Variants in MRPL34 observed in about 807,000 individuals in gnomAD.
MRPL34 encodes large ribosomal subunit protein bL34m.
A neutral mutation model predicts 6.7 loss-of-function variants in MRPL34; 8 were observed. That is an observed-to-expected ratio of 1.20 (90% CI 0.70 to 2.16). MRPL34 has a LOEUF of 2.16. Among genes scored for constraint, MRPL34 ranks in the 30% most tolerant of loss-of-function variants. MRPL34 has a pLI of 0.00. For missense variants in MRPL34, 146 were observed against 125.5 expected, an observed-to-expected ratio of 1.16 and a Z score of -0.78; for synonymous variants, 59 against 55.1, an observed-to-expected ratio of 1.07 and a Z score of -0.31.
At chr19:17,301,264 T>A, upstream of MRPL34, 1 of 1,602,482 alleles carries the variant, frequency 6.2e-7, no homozygotes, top group Non-Finnish European at 8.5e-7. Flanking sequence ...CAGCTCCACC[T>A]CCAGGGCGGC....
At chr19:17,297,564 G>A (rs1220861609) in intron 1 of MRPL34, among the ~76,000 whole-genome samples, 2 of 152,094 alleles carry the variant, frequency 1.3e-5, no homozygotes, top group Non-Finnish European at 2.9e-5. Context: ...AAAGTTCTGG[G>A]ATTACAGGTG....
At chr19:17,298,735 CTTTTTTTTTT>C (rs34731394), upstream of MRPL34, among the ~76,000 whole-genome samples, 6 of 70,422 alleles carry the variant, frequency 8.5e-5, no homozygotes, top group African/African-American at 3.6e-4. Context: ...AACAACACTG[CTTTTTTTTTT>C]TTTTTTTTTT....
chr19:17,302,573 A>G (rs2074125713), upstream of MRPL34, among the ~76,000 whole-genome samples: 1 of 152,190 alleles, frequency 6.6e-6, no homozygotes, highest in African/African-American at 2.4e-5. Flanking sequence ...AGCCTTGCTC[A>G]GCTCCCCTAG....
chr19:17,305,778 C>T, upstream of MRPL34: 4 of 1,027,248 alleles, frequency 3.9e-6, no homozygotes, highest in South Asian at 1.3e-5. Context: ...TCCCCAACGG[C>T]CTCTTTTTTG....
At chr19:17,301,808 GTT>G (rs1491392926), upstream of MRPL34, among the ~76,000 whole-genome samples, 199 of 142,608 alleles carry the variant, frequency 1.4e-3, no homozygotes, top group Middle Eastern at 3.6e-3. Flanking sequence ...GTGTGTGTGT[GTT>G]TTTGAGACAG....
At chr19:17,300,358 C>T (rs1003201231), upstream of MRPL34, among the ~76,000 whole-genome samples, 6 of 152,062 alleles carry the variant, frequency 3.9e-5, no homozygotes, top group South Asian at 6.2e-4. Flanking sequence ...CGTGCACCTC[C>T]TCACCTAGCT....
chr19:17,299,167 C>T (rs941997803), upstream of MRPL34, among the ~76,000 whole-genome samples: 1 of 151,226 alleles, frequency 6.6e-6, no homozygotes, highest in East Asian at 1.9e-4. Flanking sequence ...CCCACCACAT[C>T]GGGAGGCCAA....
chr19:17,306,268 C>T lies in MRPL34; in HGVS notation c.168C>T (p.Ser56=), dbSNP rs1353785696. ...CTCGCGGGAATGAGTATCAGCCGAG[C>T]AACATCAAACGCAAGAACAAGCACG... The part of the protein sequence containing the change: ...GKARGNEYQP[S]NIKRKNKHGW... Residue 56 remains serine (S), a synonymous_variant, in exon 2 of 2, where the codon AGC becomes AGT. Coordinates refer to ENST00000252602, the MANE Select transcript of MRPL34 (RefSeq NM_023937.4). 1.9e-6 allele frequency: 3 copies of T among 1,605,344 alleles called. No homozygotes were observed. The South Asian group carries it at 3.3e-5, about 18-fold the overall frequency.
chr19:17,295,937 C>T (rs1035662988), intron 1 of MRPL34, among the ~76,000 whole-genome samples: 4 of 152,132 alleles, frequency 2.6e-5, no homozygotes, highest in South Asian at 2.1e-4. Flanking sequence ...TCTTGAACTC[C>T]TGGGCTCAAG....
At chr19:17,299,466 C>G (rs2074107846), upstream of MRPL34, among the ~76,000 whole-genome samples, 1 of 146,904 alleles carries the variant, frequency 6.8e-6, no homozygotes, top group African/African-American at 2.5e-5. Context: ...GAGGCTGAGG[C>G]AGGAGAATGG....
At chr19:17,293,036 A>G (rs933405377) in intron 1 of MRPL34, among the ~76,000 whole-genome samples, 2 of 152,036 alleles carry the variant, frequency 1.3e-5, no homozygotes, top group Non-Finnish European at 2.9e-5. Flanking sequence ...TCAGGCATCC[A>G]GCATTTATTA....
chr19:17,299,478 A>G (rs1313706941), upstream of MRPL34, among the ~76,000 whole-genome samples: 3 of 148,746 alleles, frequency 2.0e-5, no homozygotes, highest in South Asian at 2.1e-4. Context: ...GGAGAATGGC[A>G]TGAACCTGGG....
chr19:17,297,484 C>T (rs559213547), intron 1 of MRPL34, among the ~76,000 whole-genome samples: 13 of 151,908 alleles, frequency 8.6e-5, no homozygotes, highest in Non-Finnish European at 4.4e-5. Flanking sequence ...TTATTAGAGA[C>T]GGGGTTTCAC....
At chr19:17,293,115 A>T (rs189353624) in intron 1 of MRPL34, among the ~76,000 whole-genome samples, 2,161 of 93,250 alleles carry the variant, frequency 0.023, 58 homozygotes, top group African/African-American at 0.084. Flanking sequence ...TTTTTTTTTG[A>T]GACAGAGTCT....
chr19:17,295,997 C>T (rs969612129), intron 1 of MRPL34, among the ~76,000 whole-genome samples: 5 of 151,596 alleles, frequency 3.3e-5, no homozygotes, highest in African/African-American at 9.7e-5. Context: ...AGGCGTGAGC[C>T]GTGACACCCG....
chr19:17,305,870 G>T, upstream of MRPL34: 3 of 1,612,264 alleles, frequency 1.9e-6, no homozygotes, highest in South Asian at 3.3e-5. Flanking sequence ...CCCGCAGCCG[G>T]TACTGCGGGA....
chr19:17,295,597 A>G (rs578147996), intron 1 of MRPL34, among the ~76,000 whole-genome samples: 1 of 149,880 alleles, frequency 6.7e-6, no homozygotes, highest in East Asian at 2.0e-4. Context: ...TAGTAGACAC[A>G]GGGTTTCAGC....
At chr19:17,301,661 T>G (rs2074119801), upstream of MRPL34, 2 of 1,505,734 alleles carry the variant, frequency 1.3e-6, no homozygotes, top group African/African-American at 2.8e-5. Context: ...AGGTGCTGTC[T>G]CAATGAGAAC....
chr19:17,301,296 C>T (rs1437391020), upstream of MRPL34: 1 of 1,607,180 alleles, frequency 6.2e-7, no homozygotes, highest in Non-Finnish European at 8.5e-7. Context: ...CAGAGCCATT[C>T]TGCCCGTGTA....
Sources: allele counts gnomAD v4.1 joint callset (sites outside exome capture counted in the v4.1 genomes callset), GRCh38; gene constraint gnomAD v4.1.1; transcripts MANE v1.5; gene names NCBI Gene and HGNC (gene_info 2026-07-23, HGNC 2026-07-21).